Variants in CERS1 observed in about 807,000 individuals in gnomAD.
CERS1 encodes ceramide synthase 1.
CERS1 carries 16 observed loss-of-function variants against 35.7 expected under a neutral mutation model. That is an observed-to-expected ratio of 0.45 (90% CI 0.30 to 0.68). CERS1 has a LOEUF of 0.68. CERS1 is among the 30% of genes least tolerant of loss of function. The pLI is 0.08. For missense variants in CERS1, 454 were observed against 453.9 expected (o/e 1.00, Z 0.00); for synonymous variants, 243 against 201.6 (o/e 1.21, Z -1.74).
Position 18,895,881 on chromosome 19 carries a change from C to T in CERS1, c.192G>A (p.Ala64=), listed in dbSNP as rs1234586544. 3.1e-6 allele frequency: 4 copies of T among 1,279,732 alleles called. No homozygotes were observed. Among genetic ancestry groups the T allele is most frequent in the Non-Finnish European group, 3.0e-6 (3 of 1,014,100 alleles). The allele number at this position is 1,279,732 out of a possible 1,614,324, so 79.3% of individuals were successfully genotyped here. Residue 64 remains alanine (A), a synonymous_variant, in exon 1 of 8, where the codon GCG becomes GCA. Transcript: ENST00000623882. This position sits in a 1 kb window ranked among gnomAD's most constrained non-coding sequence, Gnocchi z 6.4. ...GGGCGGTCCAGCCCAGCGCGCCGAGCGCCAGCAGCAGCAGCTCGGGCGGCG... is the reference window on the plus strand; with the variant it reads ...GGGCGGTCCAGCCCAGCGCGCCGAGTGCCAGCAGCAGCAGCTCGGGCGGCG... The part of the protein sequence containing the change: ...HLAPPELLLL[A]LGALGWTALR...
chr19:18,885,080 A>G (rs2056317405), intron 2 of CERS1, among the ~76,000 whole-genome samples: 1 of 152,166 alleles, frequency 6.6e-6, no homozygotes, highest in African/African-American at 2.4e-5. Context: ...TAGGACAGAA[A>G]GTTCCTTTCT....
chr19:18,869,436 C>T, intron 7 of CERS1, 46 bp from the exon 8 acceptor site: 1 of 1,519,706 alleles, frequency 6.6e-7, no homozygotes, highest in Non-Finnish European at 8.8e-7. Context: ...CGTCCCCGGC[C>T]TGCCCATGGG....
In CERS1 at chr19:18,870,392, G is replaced by C. The variant is rs992138341; in HGVS notation, c.*185C>G. 12 of 1,452,162 alleles carry C rather than the reference G, an allele frequency of 8.3e-6. No individual in the cohort carries two copies. In the African/African-American group the frequency reaches 1.6e-4, roughly 19 times the overall value. The allele number at this position is 1,452,162 out of a possible 1,614,324, so 90.0% of individuals were successfully genotyped here. ...GCTGAGGGCGGGGCCGGTGTCCCCG[G>C]AGGGGCAGGGGTCCTGGGGGGCGTG... On this transcript the variant is annotated 3_prime_UTR_variant, in exon 7 of 8. Coordinates refer to ENST00000623882, the MANE Select transcript of CERS1 (RefSeq NM_021267.5). This position sits in a 1 kb window ranked among gnomAD's most constrained non-coding sequence, Gnocchi z 5.1.
chr19:18,894,693 G>C (rs2056582713), intron 1 of CERS1, among the ~76,000 whole-genome samples: 1 of 152,146 alleles, frequency 6.6e-6, no homozygotes, highest in Non-Finnish European at 1.5e-5. Flanking sequence ...GCCCTGGACA[G>C]CCCTGTCTCC....
intron 1 of CERS1, 150 bp from the exon 2 acceptor site, chr19:18,893,725 C>T (rs1369835504): frequency 2.5e-6 from 2 of 796,256 alleles, no homozygotes; most frequent in Non-Finnish European, 1.9e-6. Context: ...GGAGCATAAA[C>T]AGAGCCCACA....
At chr19:18,885,522 T>TCTG (rs1555705560) in intron 2 of CERS1, among the ~76,000 whole-genome samples, 1 of 138,308 alleles carries the variant, frequency 7.2e-6, no homozygotes, top group Non-Finnish European at 1.5e-5. Flanking sequence ...TTTTTTTTTT[T>TCTG]TTTTTTTTTT....
Position 18,869,322 on chromosome 19 carries a change from C to G in CERS1, c.*663G>C. 6.6e-7 allele frequency: 1 copy of G among 1,526,224 alleles called. No individual in the cohort carries two copies. The highest frequency in any genetic ancestry group is 8.7e-7 in the Non-Finnish European group (1 of 1,143,858). The allele number at this position is 1,526,224 out of a possible 1,614,324, so 94.5% of individuals were successfully genotyped here. ...TCAGCGGGTTCCACAGCCGACAGGT[C>G]GAAGACGACTGTCCACTCAGGGCAA... is the stretch of plus-strand genomic sequence containing the variant. On this transcript the variant is annotated 3_prime_UTR_variant, in exon 8 of 8. Transcript: ENST00000623882.
rs1157054571 is a variant in CERS1, at chr19:18,895,649, C to G, written c.249+175G>C. Reference sequence around the variant, plus strand: ...GCGCGGCGGCCCGAGAGACCTTATCCTGGGGCTCCAACGTCCTGGGCCTCT... The same window carrying G: ...GCGCGGCGGCCCGAGAGACCTTATCGTGGGGCTCCAACGTCCTGGGCCTCT... On this transcript the variant is annotated intron_variant, in intron 1 of 7. Transcript: ENST00000623882. This position sits in a 1 kb window ranked among gnomAD's most constrained non-coding sequence, Gnocchi z 6.4. Among the ~76,000 whole-genome samples the G allele has an allele frequency of 6.6e-6, 1 of 151,780 alleles. No homozygotes were observed. The highest frequency in any genetic ancestry group is 1.5e-5 in the Non-Finnish European group (1 of 67,880).
Position 18,870,109 on chromosome 19 carries a change from G to T in CERS1, c.*468C>A. 1 of 1,568,686 alleles carries T rather than the reference G, an allele frequency of 6.4e-7. No homozygotes were observed. Among genetic ancestry groups the T allele is most frequent in the Non-Finnish European group, 8.6e-7 (1 of 1,162,126 alleles). ...CTGGTCTCCTGGGGGTCCCGGCGTC[G>T]AAACAGGCGCCACATGACCGGGGGA... is the stretch of plus-strand genomic sequence containing the variant. On this transcript the variant is annotated 3_prime_UTR_variant, in exon 7 of 8. Transcript: ENST00000623882. The surrounding 1 kb of genome is among the most constrained non-coding windows in gnomAD (Gnocchi z 5.1).
At chr19:18,869,904 C>T in intron 7 of CERS1, 79 bp downstream of exon 7, 5 of 1,402,670 alleles carry the variant, frequency 3.6e-6, no homozygotes, top group Non-Finnish European at 3.9e-6. Context: ...GCTGCTCGGG[C>T]ATCCCCGGGC....
intron 2 of CERS1, among the ~76,000 whole-genome samples, chr19:18,890,992 C>T (rs887270529): frequency 4.0e-5 from 6 of 151,796 alleles, no homozygotes; most frequent in East Asian, 1.9e-4. Flanking sequence ...AGGGTGGTGG[C>T]GCGTGCCTAT....
rs1200072578 is a variant in CERS1, at chr19:18,868,867, G to C, written c.*1118C>G. On this transcript the variant is annotated 3_prime_UTR_variant, in exon 8 of 8. Coordinates refer to ENST00000623882, the MANE Select transcript of CERS1 (RefSeq NM_021267.5). ...GGAAGCCGCGCGGCGCGATGACCCA[G>C]CGGTGCCAGCCCACCTCGCGGAAGC... 112 of 1,440,902 alleles carry C rather than the reference G, an allele frequency of 7.8e-5. No homozygotes were observed. The highest frequency in any genetic ancestry group is 1.0e-4 in the Non-Finnish European group (111 of 1,089,766). The allele number at this position is 1,440,902 out of a possible 1,614,324, so 89.3% of individuals were successfully genotyped here. A position where few individuals can be genotyped will look rare whatever the true frequency, so the allele number is the denominator to read the frequency against.
At chr19:18,882,017 C>G (rs1469001298) in intron 3 of CERS1, 2 of 153,994 alleles carry the variant, frequency 1.3e-5, no homozygotes, top group Admixed American at 6.6e-5. Flanking sequence ...ACCATGTTGG[C>G]CAGGCTGTTC....
In CERS1 at chr19:18,869,973, C is replaced by A; in HGVS notation, c.*594+10G>T. The A allele has an allele frequency of 6.3e-7, 1 of 1,578,408 alleles. No individual in the cohort carries two copies. The highest frequency in any genetic ancestry group is 8.6e-7 in the Non-Finnish European group (1 of 1,164,012). ...CCAGGACCAGTGTCCCCAGCGAAAG[C>A]CCCACTCACCGCGGTCCGGGATGTG... On this transcript the variant is annotated intron_variant, in intron 7 of 7. Transcript: ENST00000623882.
In CERS1 at chr19:18,895,278, C is replaced by G. The variant is rs2056597340; in HGVS notation, c.249+546G>C. Among the ~76,000 whole-genome samples, 2 of 152,320 alleles carry G rather than the reference C, an allele frequency of 1.3e-5. No homozygotes were observed. The highest frequency in any genetic ancestry group is 4.8e-5 in the African/African-American group (2 of 41,570). On this transcript the variant is annotated intron_variant, in intron 1 of 7. Coordinates refer to ENST00000623882, the MANE Select transcript of CERS1 (RefSeq NM_021267.5). The surrounding 1 kb of genome is among the most constrained non-coding windows in gnomAD (Gnocchi z 6.4). ...ACAGCGGGCAAGCCGGCCCCGCCGC[C>G]GCACGGACCCAGCAGAAAACGGGCA... is the stretch of plus-strand genomic sequence containing the variant.
chr19:18,889,370 C>T (rs573386376), intron 2 of CERS1, among the ~76,000 whole-genome samples: 14 of 152,170 alleles, frequency 9.2e-5, no homozygotes, highest in African/African-American at 3.1e-4. Flanking sequence ...AGCTCCTTCC[C>T]CACAGGATAG....
chr19:18,870,217 C>CGG lies in CERS1; in HGVS notation c.*358_*359dup. 1 of 1,554,084 alleles carries CGG rather than the reference C, an allele frequency of 6.4e-7. No individual in the cohort carries two copies. Among genetic ancestry groups the CGG allele is most frequent in the East Asian group, 2.3e-5 (1 of 43,008 alleles). On this transcript the variant is annotated 3_prime_UTR_variant, in exon 7 of 8. Coordinates refer to ENST00000623882, the MANE Select transcript of CERS1 (RefSeq NM_021267.5). The surrounding 1 kb of genome is among the most constrained non-coding windows in gnomAD (Gnocchi z 5.1). ...AGGGCGGCGGCTGGGCCTGGGGGCA[C>CGG]GGGGGCGCGGGTCAGGGGCAGCGAG... is the stretch of plus-strand genomic sequence containing the variant.
At position 18,878,800 on chromosome 19, in the gene CERS1, G is replaced by A; in HGVS notation, c.1010+130C>T. 1 of 1,478,228 alleles carries A rather than the reference G, an allele frequency of 6.8e-7. No homozygotes were observed. Among genetic ancestry groups the A allele is most frequent in the Non-Finnish European group, 9.0e-7 (1 of 1,114,808 alleles). 91.6% of individuals were successfully genotyped at this position (1,478,228 alleles called of 1,614,324 possible). A position where few individuals can be genotyped will look rare whatever the true frequency, so the allele number is the denominator to read the frequency against. The stretch of plus-strand genomic sequence containing the variant: ...ACGCCTTTATTGCAGTCTCTGTTTT[G>A]GAGTAGGCTTGGGGGGCAGCATCCG... On this transcript the variant is annotated intron_variant, in intron 6 of 7. Transcript: ENST00000623882. The surrounding 1 kb of genome is among the most constrained non-coding windows in gnomAD (Gnocchi z 4.6).
Position 18,868,782 on chromosome 19 carries a change from G to C in CERS1, c.*1203C>G, listed in dbSNP as rs1568289554. The C allele has an allele frequency of 7.8e-5, 114 of 1,464,542 alleles. 1 individual carries two copies. In the East Asian group the frequency reaches 3.4e-3, roughly 44 times the overall value. 90.7% of individuals were successfully genotyped at this position (1,464,542 alleles called of 1,614,324 possible). A position where few individuals can be genotyped will look rare whatever the true frequency, so the allele number is the denominator to read the frequency against. ...AGCACAGCGTGGTTGAGCGCCGGCG[G>C]CCCCCCGGACCCCGACAGCGCGACG... On this transcript the variant is annotated 3_prime_UTR_variant, in exon 8 of 8. Transcript: ENST00000623882.
Sources: gnomAD v4.1 joint callset for allele counts (sites outside exome capture counted in the v4.1 genomes callset) on GRCh38, gnomAD v4.1.1 for gene constraint, Gnocchi (gnomAD v3.1) non-coding constraint, MANE v1.5 for transcripts, NCBI Gene and HGNC (gene_info 2026-07-23, HGNC 2026-07-21) for gene names.